Variants in CHAT observed in about 807,000 individuals in gnomAD.
CHAT encodes the protein acetyl CoA:choline O-acetyltransferase.
A neutral mutation model predicts 76.9 loss-of-function variants in CHAT; 61 were observed. The observed-to-expected ratio is 0.79, with a 90% CI of 0.65 to 0.98. The LOEUF (loss-of-function observed/expected upper bound fraction) is 0.98. CHAT is among the 50% of genes least tolerant of loss of function. The probability of loss-of-function intolerance (pLI) is 0.00; values close to 1 mark genes in which losing one functional copy is unlikely to be tolerated. For missense variants in CHAT, 946 were observed against 986.9 expected (o/e 0.96, Z 0.56); for synonymous variants, 407 against 397.4 (o/e 1.02, Z -0.29).
intron 5 of CHAT, among the ~76,000 whole-genome samples, chr10:49,623,431 TTTAA>T (rs563263302): frequency 4.6e-5 from 7 of 152,220 alleles, no homozygotes; most frequent in Non-Finnish European, 8.8e-5. Context: ...GTTTTGAACC[TTTAA>T]TTAATTAATT....
chr10:49,641,153 G>T (rs79222982), intron 7 of CHAT, among the ~76,000 whole-genome samples: 1 of 152,146 alleles, frequency 6.6e-6, no homozygotes, highest in African/African-American at 2.4e-5. Flanking sequence ...CTTCTTATGA[G>T]GACACCAGTT....
At chr10:49,621,485 C>G (rs1180144650) in intron 4 of CHAT, among the ~76,000 whole-genome samples, 2 of 152,194 alleles carry the variant, frequency 1.3e-5, no homozygotes, top group Non-Finnish European at 2.9e-5. Flanking sequence ...CCTGGTATGA[C>G]AGTTCCCGCT....
chr10:49,627,409 T>G (rs906807305), intron 6 of CHAT, among the ~76,000 whole-genome samples, 199 bp from the exon 7 acceptor site: 3 of 152,230 alleles, frequency 2.0e-5, no homozygotes, highest in Non-Finnish European at 4.4e-5. Flanking sequence ...TAATGTTGCC[T>G]TCTTTGATTG....
chr10:49,619,793 C>T lies in CHAT; in HGVS notation c.456C>T (p.His152=), dbSNP rs1590561433. The part of the protein sequence containing the change: ...TLATYLQCMR[H]LVSEEQFRKS... ...CCACGTACCTGCAGTGCATGCGACA[C>T]TTGGTGTCTGAGGAGCAGTTCAGGA... The change falls in exon 3 of 15, where the codon CAC becomes CAT. Residue 152 remains histidine, a synonymous_variant. Transcript: ENST00000337653. The T allele has an allele frequency of 6.2e-7, 1 of 1,614,152 alleles. No individual in the cohort carries two copies. Among genetic ancestry groups the T allele is most frequent in the Non-Finnish European group, 8.5e-7 (1 of 1,180,030 alleles).
chr10:49,620,178 A>T (rs1051712864), intron 3 of CHAT, among the ~76,000 whole-genome samples: 1 of 152,102 alleles, frequency 6.6e-6, no homozygotes, highest in Non-Finnish European at 1.5e-5. Flanking sequence ...ATTGGGACAG[A>T]TGAGGACAGA....
chr10:49,634,605 C>A lies in CHAT; in HGVS notation c.1111+6820C>A, dbSNP rs999930922. Among the ~76,000 whole-genome samples the A allele has an allele frequency of 9.9e-5, 15 of 152,246 alleles. 1 individual carries two copies. Among genetic ancestry groups the A allele is most frequent in the Non-Finnish European group, 2.1e-4 (14 of 68,048 alleles). ...CTGTGTGCACACACACTGGGCTCCT[C>A]TCTTTACCTTCTCCCTAGTCACCAT... On this transcript the variant is annotated intron_variant, in intron 7 of 14. Transcript: ENST00000337653.
In CHAT at chr10:49,667,732, A is replaced by G. The variant is rs995255618; in HGVS notation, c.*2686A>G. Reference sequence around the variant, plus strand: ...CCTTACAATACTGCTAAGTTGCTAAAATATATAAAGTTAATATTTGAGTTC... The same window carrying G: ...CCTTACAATACTGCTAAGTTGCTAAGATATATAAAGTTAATATTTGAGTTC... On this transcript the variant is annotated 3_prime_UTR_variant, in exon 15 of 15. Coordinates refer to ENST00000337653, the MANE Select transcript of CHAT (RefSeq NM_020549.5). Among the ~76,000 whole-genome samples, 1 of 152,240 alleles carries G rather than the reference A, an allele frequency of 6.6e-6. No individual in the cohort carries two copies. Among genetic ancestry groups the G allele is most frequent in the Non-Finnish European group, 1.5e-5 (1 of 68,044 alleles).
chr10:49,621,277 C>A (rs1038396688), intron 4 of CHAT, among the ~76,000 whole-genome samples: 2 of 152,196 alleles, frequency 1.3e-5, no homozygotes, highest in Non-Finnish European at 2.9e-5. Flanking sequence ...CCCACCTCTC[C>A]TCTGGGCAGG....
intron 6 of CHAT, among the ~76,000 whole-genome samples, chr10:49,626,729 G>C (rs1838936146): frequency 6.6e-6 from 1 of 152,222 alleles, no homozygotes; most frequent in South Asian, 2.1e-4. Flanking sequence ...ACTGCTAGGG[G>C]GTTGGAGGGG....
At position 49,627,789 on chromosome 10, in the gene CHAT, A is replaced by G; in HGVS notation, c.1111+4A>G. On this transcript the variant is annotated splice_donor_region_variant and intron_variant, in intron 7 of 14. Transcript: ENST00000337653. ...GCCAGGACGGTCCTCGTGAAAGGTC[A>G]GCCGCAGTGCCCAGCACATCTCCAT... 1 of 1,612,914 alleles carries G rather than the reference A, an allele frequency of 6.2e-7. No individual in the cohort carries two copies. Among genetic ancestry groups the G allele is most frequent in the Non-Finnish European group, 8.5e-7 (1 of 1,179,806 alleles).
intron 13 of CHAT, chr10:49,661,115 G>A (rs1055356273): frequency 1.3e-4 from 20 of 152,258 alleles, no homozygotes; most frequent in Admixed American, 5.2e-4. Context: ...TACAGGACCC[G>A]CGGCACCAGG....
chr10:49,657,144 T>G (rs952874757), intron 13 of CHAT, among the ~76,000 whole-genome samples: 3 of 152,088 alleles, frequency 2.0e-5, no homozygotes, highest in African/African-American at 7.3e-5. Context: ...TTTTTAAAGT[T>G]CTGGAGGTCG....
rs537325907 is a variant in CHAT at position 49,628,533 on chromosome 10, A to C, written c.1111+748A>C. On this transcript the variant is annotated intron_variant, in intron 7 of 14. Transcript: ENST00000337653. ...CTGGGCTTGGCTCAGGGAGTATGGGAGACAAAGGAGTTGAGGCCTCTACCC... is the reference window on the plus strand; with the variant it reads ...CTGGGCTTGGCTCAGGGAGTATGGGCGACAAAGGAGTTGAGGCCTCTACCC... 9.3e-4 allele frequency among the ~76,000 whole-genome samples: 141 copies of C among 152,240 alleles called. 1 individual carries two copies. The highest frequency in any genetic ancestry group is 3.3e-3 in the African/African-American group (137 of 41,550).
At chr10:49,620,832 A>G (rs1218380169) in intron 4 of CHAT, among the ~76,000 whole-genome samples, 1 of 152,222 alleles carries the variant, frequency 6.6e-6, no homozygotes, top group Non-Finnish European at 1.5e-5. Flanking sequence ...GTCTATATTT[A>G]TCTTGCAGTG....
intron 2 of CHAT, among the ~76,000 whole-genome samples, chr10:49,619,441 T>C (rs1471282914): frequency 6.6e-6 from 1 of 152,200 alleles, no homozygotes; most frequent in Non-Finnish European, 1.5e-5. Context: ...GCAGAGCTGG[T>C]CAGTGGCAGG....
In CHAT at chr10:49,628,987, C is replaced by T. The variant is rs11101187; in HGVS notation, c.1111+1202C>T. Among the ~76,000 whole-genome samples, 758 of 152,392 alleles carry T rather than the reference C, an allele frequency of 5.0e-3. 16 individuals carry two copies. The East Asian group carries it at 0.067, about 13-fold the overall frequency. On this transcript the variant is annotated intron_variant, in intron 7 of 14. Transcript: ENST00000337653. ...CCCCCAGATCCAGCTGGCTCCTTGC[C>T]GCACGCAGAGCTCAGCCCAGGTGTC...
chr10:49,649,507 G>A lies in CHAT; in HGVS notation c.1383-1G>A, dbSNP rs2132811750. The A allele has an allele frequency of 1.9e-6, 3 of 1,613,836 alleles. No individual in the cohort carries two copies. The highest frequency in any genetic ancestry group is 2.5e-6 in the Non-Finnish European group (3 of 1,180,042). On this transcript the variant is annotated splice_acceptor_variant, in intron 9 of 14. Transcript: ENST00000337653. LOFTEE classifies it high-confidence loss of function. The stretch of plus-strand genomic sequence containing the variant: ...TCAGGAGGTTGCCTCTGTGCCCGCA[G>A]GACGCAGAGCAGCAGGAAGCTGATC...
In CHAT at chr10:49,616,587, C is replaced by T. The variant is rs1838506235; in HGVS notation, c.372C>T (p.Pro124=). 6.2e-7 allele frequency: 1 copy of T among 1,609,974 alleles called. No homozygotes were observed. The highest frequency in any genetic ancestry group is 8.5e-7 in the Non-Finnish European group (1 of 1,177,350). Residue 124 remains proline (P), a synonymous_variant, in exon 2 of 15, where the codon CCC becomes CCT. Transcript: ENST00000337653. ...CCCGTAAGATGGCAGCAAAAACTCC[C>T]AGCAGTGAGGAGTCTGTGAGTGACT... is the stretch of plus-strand genomic sequence containing the variant. ...KVPRKMAAKT[P]SSEESGLPKL...
intron 7 of CHAT, among the ~76,000 whole-genome samples, chr10:49,631,278 G>A (rs1839109946): frequency 6.6e-6 from 1 of 152,174 alleles, no homozygotes; most frequent in African/African-American, 2.4e-5. Context: ...TTTAGCAGGT[G>A]GGTTTCTCCT....
Sources: gnomAD v4.1 joint callset for allele counts (sites outside exome capture counted in the v4.1 genomes callset) on GRCh38, gnomAD v4.1.1 for gene constraint, MANE v1.5 for transcripts, NCBI Gene and HGNC (gene_info 2026-07-23, HGNC 2026-07-21) for gene names.